Variants in RHEB observed in about 807,000 individuals in gnomAD.
RHEB encodes GTP-binding protein Rheb.
A neutral mutation model predicts 28.8 loss-of-function variants in RHEB; 2 were observed. The ratio of observed to expected loss-of-function variants is 0.07; its 90% CI spans 0.03 to 0.22. The LOEUF (loss-of-function observed/expected upper bound fraction) is 0.22. Among genes scored for constraint, RHEB ranks in the 10% least tolerant of loss-of-function variants. RHEB has a pLI of 1.00. For missense variants in RHEB, 76 were observed against 219.9 expected (o/e 0.35, Z 4.14); for synonymous variants, 69 against 77.3 (o/e 0.89, Z 0.56).
chr7:151,469,304 T>C (rs1802117844), intron 7 of RHEB, among the ~76,000 whole-genome samples: 1 of 152,162 alleles, frequency 6.6e-6, no homozygotes. Context: ...CTAAACATTA[T>C]GAAGGATATT....
rs142181797 is a variant in RHEB at position 151,495,673 on chromosome 7, C to T, written c.53-4659G>A. Among the ~76,000 whole-genome samples, 7 of 152,200 alleles carry T rather than the reference C, an allele frequency of 4.6e-5. No individual in the cohort carries two copies. The East Asian group carries it at 7.7e-4, about 17-fold the overall frequency. On this transcript the variant is annotated intron_variant, in intron 1 of 7. Transcript: ENST00000262187. ...TCTCCTAAAAAATAACTTATTAGCC[C>T]GGTGTGGTGGCTCATGCCTGTAATC...
At chr7:151,469,755 G>A (rs1802126898) in intron 7 of RHEB, among the ~76,000 whole-genome samples, 1 of 152,306 alleles carries the variant, frequency 6.6e-6, no homozygotes, top group East Asian at 1.9e-4. Context: ...AAGGAAGGGA[G>A]CAGTTTGATG....
intron 3 of RHEB, among the ~76,000 whole-genome samples, chr7:151,478,473 T>C (rs1433694975): frequency 6.6e-6 from 1 of 152,044 alleles, no homozygotes; most frequent in Non-Finnish European, 1.5e-5. Flanking sequence ...TCCCAAATGA[T>C]TTTAATCACT....
At chr7:151,480,281 G>C (rs1157528560) in intron 3 of RHEB, among the ~76,000 whole-genome samples, 1 of 152,116 alleles carries the variant, frequency 6.6e-6, no homozygotes, top group Non-Finnish European at 1.5e-5. Context: ...AGTTAACTTA[G>C]GATATATATC....
At chr7:151,496,396 C>T (rs965863325) in intron 1 of RHEB, among the ~76,000 whole-genome samples, 4 of 152,164 alleles carry the variant, frequency 2.6e-5, no homozygotes, top group African/African-American at 7.2e-5. Flanking sequence ...CCATCTCTAC[C>T]AGCAATGCTT....
chr7:151,517,699 A>AG (rs1803106332), intron 1 of RHEB, among the ~76,000 whole-genome samples: 1 of 151,994 alleles, frequency 6.6e-6, no homozygotes, highest in African/African-American at 2.4e-5. Flanking sequence ...CCAAAAAAAA[A>AG]AAAAAAAAAG....
At chr7:151,510,218 T>G (rs1409775204) in intron 1 of RHEB, among the ~76,000 whole-genome samples, 1 of 152,138 alleles carries the variant, frequency 6.6e-6, no homozygotes, top group East Asian at 1.9e-4. Context: ...CCATCCCCAC[T>G]TGATGATCAA....
chr7:151,503,477 A>ATC, intron 1 of RHEB: 1 of 1,054,914 alleles, frequency 9.5e-7, no homozygotes, highest in Non-Finnish European at 1.5e-6. Flanking sequence ...TGAGTCTGGC[A>ATC]AAACGTGCCT....
chr7:151,488,874 C>T (rs1037450707), intron 2 of RHEB, among the ~76,000 whole-genome samples: 15 of 152,204 alleles, frequency 9.9e-5, no homozygotes, highest in Non-Finnish European at 2.2e-4. Flanking sequence ...TTCTTCTGAT[C>T]CATTACTTAC....
chr7:151,502,737 G>A lies in RHEB; in HGVS notation c.53-11723C>T, dbSNP rs1584864001. On this transcript the variant is annotated intron_variant, in intron 1 of 7. Transcript: ENST00000262187. ...CAAAGAAACACAGTAGAGGCGTTTTGCCCGTTTAAAAATGGAAAAGCGACA... is the reference window on the plus strand; with the variant it reads ...CAAAGAAACACAGTAGAGGCGTTTTACCCGTTTAAAAATGGAAAAGCGACA... The A allele has an allele frequency of 3.8e-6, 6 of 1,580,578 alleles. No homozygotes were observed. In the East Asian group the frequency reaches 1.3e-4, roughly 35 times the overall value.
intron 3 of RHEB, among the ~76,000 whole-genome samples, chr7:151,483,683 C>A (rs1802418287): frequency 6.6e-6 from 1 of 152,098 alleles, no homozygotes. Context: ...TGCCTTCCAG[C>A]CTGGGTGACA....
chr7:151,467,325 AG>A (rs1802085123), intron 7 of RHEB, 114 bp from the exon 8 acceptor site: 1 of 767,442 alleles, frequency 1.3e-6, no homozygotes, highest in African/African-American at 1.7e-5. Flanking sequence ...GTGGAGGAGG[AG>A]GGGTTCTGGT....
chr7:151,512,524 C>G (rs1405040283), intron 1 of RHEB, among the ~76,000 whole-genome samples: 1 of 152,192 alleles, frequency 6.6e-6, no homozygotes, highest in Non-Finnish European at 1.5e-5. Flanking sequence ...AGAGGCCAAA[C>G]CAATAGGCAC....
Position 151,466,228 on chromosome 7 carries a change from G to T in RHEB, c.*891C>A, listed in dbSNP as rs570147695. Reference sequence around the variant, plus strand: ...TGGACAGAGGGAGGCCCGTCATCTGGGTCTGAAGGAGGCTCCCAAGACTCT... The same window carrying T: ...TGGACAGAGGGAGGCCCGTCATCTGTGTCTGAAGGAGGCTCCCAAGACTCT... On this transcript the variant is annotated 3_prime_UTR_variant, in exon 8 of 8. Transcript: ENST00000262187. 6.6e-5 allele frequency: 10 copies of T among 152,280 alleles called. No individual in the cohort carries two copies. Among genetic ancestry groups the T allele is most frequent in the African/African-American group, 2.2e-4 (9 of 41,544 alleles). The allele number at this position is 152,280 out of a possible 1,614,324, so 9.4% of individuals were successfully genotyped here. A position where few individuals can be genotyped will look rare whatever the true frequency, so the allele number is the denominator to read the frequency against.
intron 1 of RHEB, among the ~76,000 whole-genome samples, chr7:151,491,484 C>G (rs150171103): frequency 0.013 from 1,910 of 152,240 alleles, 33 homozygotes; most frequent in African/African-American, 0.043. Context: ...GCCTGTAATC[C>G]CAGCACTTTG....
intron 1 of RHEB, among the ~76,000 whole-genome samples, chr7:151,503,793 T>C (rs1394359596): frequency 6.6e-6 from 1 of 152,118 alleles, no homozygotes; most frequent in African/African-American, 2.4e-5. Flanking sequence ...TAAGCCTTCA[T>C]ATACAGAAGT....
chr7:151,488,257 T>C (rs921886995), intron 2 of RHEB, among the ~76,000 whole-genome samples: 4 of 152,198 alleles, frequency 2.6e-5, no homozygotes, highest in Non-Finnish European at 4.4e-5. Flanking sequence ...CTAGAAAATA[T>C]GTGGTTTTAT....
At chr7:151,503,556 G>GA (rs1259318375) in intron 1 of RHEB, 1 of 579,686 alleles carries the variant, frequency 1.7e-6, no homozygotes. Context: ...CCTTACAACT[G>GA]AAACACTTCC....
chr7:151,507,017 A>G (rs1393845186), intron 1 of RHEB, among the ~76,000 whole-genome samples: 1 of 152,230 alleles, frequency 6.6e-6, no homozygotes, highest in Non-Finnish European at 1.5e-5. Context: ...TCTCTGCTGC[A>G]TTCTGCAGGC....
Sources: gnomAD v4.1 joint callset for allele counts (sites outside exome capture counted in the v4.1 genomes callset) on GRCh38, gnomAD v4.1.1 for gene constraint, MANE v1.5 for transcripts, NCBI Gene and HGNC (gene_info 2026-07-23, HGNC 2026-07-21) for gene names.